Variants in SLCO1C1 observed in about 807,000 individuals in gnomAD.
SLCO1C1 encodes the protein solute carrier organic anion transporter family member 1C1, also known as OAT-RP-5.
In SLCO1C1, 70 loss-of-function variants were observed where a neutral mutation model predicts 76.4. The ratio of observed to expected loss-of-function variants is 0.92; its 90% CI spans 0.76 to 1.12. The LOEUF is 1.12. Ranked by LOEUF, SLCO1C1 falls within the 50% of genes most tolerant of loss-of-function variation. The pLI, the probability that SLCO1C1 is intolerant of heterozygous loss-of-function variation, is 0.00. For missense variants in SLCO1C1, 912 were observed against 823.8 expected, an observed-to-expected ratio of 1.11 and a Z score of -1.31; for synonymous variants, 306 against 286.1, an observed-to-expected ratio of 1.07 and a Z score of -0.70.
At chr12:20,740,150 T>C (rs373531958) in intron 11 of SLCO1C1, 34 bp from the exon 12 acceptor site, 1 of 1,555,214 alleles carries the variant, frequency 6.4e-7, no homozygotes, top group Non-Finnish European at 8.7e-7. Context: ...TAAATGTTAC[T>C]GAAATAATTG....
chr12:20,724,132 T>A (rs1193256591), intron 9 of SLCO1C1, among the ~76,000 whole-genome samples: 1 of 151,950 alleles, frequency 6.6e-6, no homozygotes, highest in Non-Finnish European at 1.5e-5. Context: ...TTACTGAACA[T>A]TTTTACTTTT....
At chr12:20,710,223 TTTG>T (rs1947015256) in intron 4 of SLCO1C1, among the ~76,000 whole-genome samples, 1 of 133,774 alleles carries the variant, frequency 7.5e-6, no homozygotes, top group African/African-American at 2.7e-5. Flanking sequence ...TTTTTTTTTT[TTTG>T]AGATGGAGTC....
intron 4 of SLCO1C1, among the ~76,000 whole-genome samples, chr12:20,710,453 T>C (rs2120670807): frequency 6.6e-6 from 1 of 152,238 alleles, no homozygotes; most frequent in East Asian, 1.9e-4. Context: ...GATGTTTTCT[T>C]ACCAGATACC....
rs534453889 is a variant in SLCO1C1 at position 20,708,271 on chromosome 12, G to A, written c.404+2190G>A. Among the ~76,000 whole-genome samples, 195 of 152,070 alleles carry A rather than the reference G, an allele frequency of 1.3e-3. 1 individual carries two copies. The highest frequency in any genetic ancestry group is 4.6e-3 in the African/African-American group (190 of 41,468). ...ATAGGCTGTTTAGTTTTATGTATTA[G>A]CTCATTTAACTCATTAATTTAGCAA... is the stretch of plus-strand genomic sequence containing the variant. On this transcript the variant is annotated intron_variant, in intron 4 of 14. Coordinates refer to ENST00000266509, the MANE Select transcript of SLCO1C1 (RefSeq NM_017435.5).
At chr12:20,724,718 C>T (rs544662969) in intron 9 of SLCO1C1, among the ~76,000 whole-genome samples, 88 of 147,900 alleles carry the variant, frequency 5.9e-4, no homozygotes, top group Non-Finnish European at 1.1e-3. Context: ...AGCAGTGGTA[C>T]ATTCTTTTTC....
intron 9 of SLCO1C1, among the ~76,000 whole-genome samples, chr12:20,724,451 A>ATATATATGTATGTG (rs1555129500): frequency 1.3e-5 from 1 of 75,396 alleles, no homozygotes; most frequent in African/African-American, 5.3e-5. Flanking sequence ...ATATATATAT[A>ATATATATGTATGTG]TGTGTGTGTG....
chr12:20,745,776 G>A (rs1194941478), intron 13 of SLCO1C1, among the ~76,000 whole-genome samples: 3 of 151,150 alleles, frequency 2.0e-5, no homozygotes, highest in Non-Finnish European at 4.4e-5. Context: ...AGTGAGCTGA[G>A]ATCACACCAC....
intron 14 of SLCO1C1, among the ~76,000 whole-genome samples, chr12:20,751,243 C>A (rs1174577254): frequency 6.6e-6 from 1 of 152,068 alleles, no homozygotes; most frequent in African/African-American, 2.4e-5. Context: ...GCTTTTATTG[C>A]CAAACTAATG....
At chr12:20,739,615 CAGA>C (rs1423174316) in intron 11 of SLCO1C1, among the ~76,000 whole-genome samples, 1 of 151,934 alleles carries the variant, frequency 6.6e-6, no homozygotes, top group Non-Finnish European at 1.5e-5. Context: ...GTGGCTTACA[CAGA>C]AGAAGAGAGG....
intron 13 of SLCO1C1, 137 bp downstream of exon 13, chr12:20,743,506 C>G: frequency 1.7e-6 from 1 of 575,494 alleles, no homozygotes; most frequent in Non-Finnish European, 3.0e-6. Context: ...TTATTCCTTT[C>G]TTCATTTCTT....
At chr12:20,702,340 A>G (rs1435869672) in intron 3 of SLCO1C1, among the ~76,000 whole-genome samples, 1 of 151,964 alleles carries the variant, frequency 6.6e-6, no homozygotes. Context: ...TCTGAATATC[A>G]CAGAAAAAAT....
intron 9 of SLCO1C1, among the ~76,000 whole-genome samples, chr12:20,726,900 C>T (rs1261481723): frequency 6.6e-6 from 1 of 152,106 alleles, no homozygotes; most frequent in African/African-American, 2.4e-5. Context: ...CTGTTGTTCC[C>T]AACTTTATGT....
At position 20,752,701 on chromosome 12, in the gene SLCO1C1, G is replaced by A; in HGVS notation, c.*173G>A. On this transcript the variant is annotated 3_prime_UTR_variant, in exon 15 of 15. Coordinates refer to ENST00000266509, the MANE Select transcript of SLCO1C1 (RefSeq NM_017435.5). ...CTGATAATATACTGAAACATATAAT[G>A]GAAGATGCAGATGATAAAACTAATT... The A allele has an allele frequency of 2.4e-6, 1 of 418,598 alleles. No individual in the cohort carries two copies. The highest frequency in any genetic ancestry group is 4.2e-6 in the Non-Finnish European group (1 of 239,402). 25.9% of individuals were successfully genotyped at this position (418,598 alleles called of 1,614,324 possible). A position where few individuals can be genotyped will look rare whatever the true frequency, so the allele number is the denominator to read the frequency against.
intron 7 of SLCO1C1, among the ~76,000 whole-genome samples, chr12:20,720,914 T>C (rs1947630474): frequency 6.6e-6 from 1 of 150,706 alleles, no homozygotes; most frequent in Admixed American, 6.7e-5. Flanking sequence ...GGAGAATCGC[T>C]TGAACCCGGG....
intron 2 of SLCO1C1, chr12:20,699,952 T>G: frequency 6.2e-6 from 2 of 320,332 alleles, no homozygotes; most frequent in Non-Finnish European, 1.1e-5. Context: ...TAGTAGAAAC[T>G]AGTATTTATT....
chr12:20,719,917 A>G (rs988051792), intron 7 of SLCO1C1, among the ~76,000 whole-genome samples: 2 of 152,214 alleles, frequency 1.3e-5, no homozygotes, highest in Non-Finnish European at 1.5e-5. Context: ...ATAGTCTTCT[A>G]TTGGAAGAAG....
intron 9 of SLCO1C1, among the ~76,000 whole-genome samples, chr12:20,723,816 C>G (rs576926977): frequency 3.9e-4 from 60 of 152,044 alleles, no homozygotes; most frequent in Non-Finnish European, 7.8e-4. Context: ...AATCAAGATT[C>G]GTTTCTTTAA....
At chr12:20,715,815 T>C (rs1947336729) in intron 6 of SLCO1C1, among the ~76,000 whole-genome samples, 1 of 152,166 alleles carries the variant, frequency 6.6e-6, no homozygotes, top group Non-Finnish European at 1.5e-5. Flanking sequence ...GGCCTGAGGC[T>C]ACCTCATCTC....
intron 7 of SLCO1C1, among the ~76,000 whole-genome samples, chr12:20,717,648 CTTTTTTTTTTTTTTTTTTTT>C (rs534946900): frequency 0.043 from 1,840 of 42,312 alleles, 44 homozygotes; most frequent in Middle Eastern, 0.095. Flanking sequence ...AACAGCCCTT[CTTTTTTTTTTTTTTTTTTTT>C]TTTTTTTTTT....
Sources: allele counts gnomAD v4.1 joint callset (sites outside exome capture counted in the v4.1 genomes callset), GRCh38; gene constraint gnomAD v4.1.1; transcripts MANE v1.5; gene names NCBI Gene and HGNC (gene_info 2026-07-23, HGNC 2026-07-21).